Variants in HDAC9 observed in about 807,000 individuals in gnomAD.
The protein encoded by HDAC9 is histone deacetylase 9, also known as MEF-2 interacting transcription repressor (MITR) protein.
In HDAC9, 41 loss-of-function variants were observed where a neutral mutation model predicts 139.4. The observed-to-expected ratio is 0.29, with a 90% confidence interval of 0.23 to 0.38. The LOEUF (loss-of-function observed/expected upper bound fraction) is 0.38. Ranked by LOEUF, HDAC9 falls within the 10% of genes least tolerant of loss-of-function variation. The probability of loss-of-function intolerance (pLI) is 1.00; values close to 1 mark genes in which losing one functional copy is unlikely to be tolerated. For missense variants in HDAC9, 1,147 were observed against 1,297.0 expected (o/e 0.88, Z 1.78); for synonymous variants, 517 against 476.2 (o/e 1.09, Z -1.12).
intron 4 of HDAC9, among the ~76,000 whole-genome samples, 187 bp downstream of exon 4, chr7:18,590,673 C>T (rs1411026998): frequency 2.8e-4 from 42 of 152,150 alleles, no homozygotes; most frequent in Admixed American, 2.8e-3. Flanking sequence ...ATTGAGTCTG[C>T]AGAGCGTCTC....
chr7:18,371,003 C>G (rs1261354834), intron 1 of HDAC9, among the ~76,000 whole-genome samples: 1 of 152,162 alleles, frequency 6.6e-6, no homozygotes, highest in Non-Finnish European at 1.5e-5. Context: ...ATCCATTCAT[C>G]TCAATAGTCC....
intron 2 of HDAC9, among the ~76,000 whole-genome samples, chr7:18,276,092 C>G (rs1426128609): frequency 6.6e-6 from 1 of 152,092 alleles, no homozygotes; most frequent in East Asian, 1.9e-4. Context: ...AAAGAAAGCA[C>G]CTGGTTGAGA....
chr7:18,415,277 G>A (rs1788947533), intron 1 of HDAC9, among the ~76,000 whole-genome samples: 1 of 152,160 alleles, frequency 6.6e-6, no homozygotes, highest in South Asian at 2.1e-4. Flanking sequence ...AACCCATGGG[G>A]CTGATGTTAA....
intron 2 of HDAC9, among the ~76,000 whole-genome samples, chr7:18,277,735 C>G (rs1305941681): frequency 1.3e-5 from 2 of 152,070 alleles, no homozygotes; most frequent in African/African-American, 4.8e-5. Context: ...ATTTTCAGGT[C>G]CCATGGTCAA....
chr7:18,755,007 C>T (rs773674279), intron 14 of HDAC9, among the ~76,000 whole-genome samples: 7 of 152,176 alleles, frequency 4.6e-5, no homozygotes, highest in South Asian at 2.1e-4. Flanking sequence ...GATGGCAGCA[C>T]GTAACAGTGT....
rs1371068028 is a variant in HDAC9 at position 18,938,171 on chromosome 7, G to T, written c.2937+2229G>T. ...GCAATTAGTGACTTTAAAATTGATG[G>T]CATGAGCCGAGATCCCGCCACTGCA... is the stretch of plus-strand genomic sequence containing the variant. On this transcript the variant is annotated intron_variant, in intron 23 of 25. Coordinates refer to ENST00000686413, the MANE Select transcript of HDAC9 (RefSeq NM_178425.4). Among the ~76,000 whole-genome samples, 3 of 140,358 alleles carry T rather than the reference G, an allele frequency of 2.1e-5. No individual in the cohort carries two copies. In the East Asian group the frequency reaches 6.4e-4, roughly 30 times the overall value. The allele number at this position is 140,358 out of a possible 152,430, so 92.1% of individuals were successfully genotyped here.
chr7:18,911,148 CT>C lies in HDAC9; in HGVS notation c.2804-24647del, dbSNP rs751788140. 9.7e-3 allele frequency among the ~76,000 whole-genome samples: 1,249 copies of C among 129,160 alleles called. 7 individuals are homozygous for C. The highest frequency in any genetic ancestry group is 0.036 in the Middle Eastern group (9 of 248). The allele number at this position is 129,160 out of a possible 152,430, so 84.7% of individuals were successfully genotyped here. On this transcript the variant is annotated intron_variant, in intron 22 of 25. Transcript: ENST00000686413. ...GTTATTTGTTATTGGTCTGTTCAGG[CT>C]TTTTTTTTTTTTTCTGGTTTAATCA... is the stretch of plus-strand genomic sequence containing the variant.
chr7:18,792,330 C>A (rs1340644783), intron 16 of HDAC9, among the ~76,000 whole-genome samples: 1 of 147,712 alleles, frequency 6.8e-6, no homozygotes, highest in Admixed American at 6.8e-5. Context: ...TTTGGGAAGT[C>A]TTGCTATTTA....
At chr7:18,229,480 A>T (rs1793301449) in intron 2 of HDAC9, among the ~76,000 whole-genome samples, 1 of 152,182 alleles carries the variant, frequency 6.6e-6, no homozygotes, top group Admixed American at 6.5e-5. Context: ...GCCGTGCCTG[A>T]TGTGCCGAAA....
intron 11 of HDAC9, among the ~76,000 whole-genome samples, chr7:18,652,046 G>T (rs1423080401): frequency 6.6e-6 from 1 of 152,038 alleles, no homozygotes; most frequent in Admixed American, 6.6e-5. Flanking sequence ...TACAACATTT[G>T]ATCTTTTGTT....
chr7:18,980,507 T>C (rs1213115013), intron 25 of HDAC9, among the ~76,000 whole-genome samples: 1 of 152,146 alleles, frequency 6.6e-6, no homozygotes, highest in Non-Finnish European at 1.5e-5. Flanking sequence ...AGAGAAAAAT[T>C]TCATAGAGTT....
At chr7:18,173,808 G>A (rs1788655248) in intron 2 of HDAC9, among the ~76,000 whole-genome samples, 1 of 152,214 alleles carries the variant, frequency 6.6e-6, no homozygotes, top group Non-Finnish European at 1.5e-5. Context: ...TCTGTAGAGA[G>A]ATCAGCTGTT....
At chr7:18,927,447 A>G (rs931914942) in intron 22 of HDAC9, among the ~76,000 whole-genome samples, 6 of 152,160 alleles carry the variant, frequency 3.9e-5, no homozygotes, top group African/African-American at 1.2e-4. Context: ...AAAGAATAAC[A>G]TGGTAACTTA....
At chr7:18,984,154 C>G (rs1444877012) in intron 25 of HDAC9, among the ~76,000 whole-genome samples, 1 of 152,028 alleles carries the variant, frequency 6.6e-6, no homozygotes, top group Non-Finnish European at 1.5e-5. Flanking sequence ...CTGTAAGCTC[C>G]TTATGAATAG....
chr7:18,547,857 T>TTCCTCCCCTCCCTCCCTCCCTCCC (rs1563229989), intron 2 of HDAC9, among the ~76,000 whole-genome samples: 1 of 118,458 alleles, frequency 8.4e-6, no homozygotes, highest in Non-Finnish European at 1.7e-5. Context: ...CCTTCCTTCC[T>TTCCTCCCCTCCCTCCCTCCCTCCC]ACCCTCCCTC....
At chr7:18,655,892 C>A (rs181169601) in intron 11 of HDAC9, among the ~76,000 whole-genome samples, 24 of 152,164 alleles carry the variant, frequency 1.6e-4, no homozygotes, top group Non-Finnish European at 2.8e-4. Flanking sequence ...TGATTCCAGG[C>A]AGTTCAAAGG....
At chr7:18,336,685 A>G (rs1188678204) in intron 1 of HDAC9, among the ~76,000 whole-genome samples, 1 of 151,594 alleles carries the variant, frequency 6.6e-6, no homozygotes, top group Non-Finnish European at 1.5e-5. Flanking sequence ...TCATTATGCT[A>G]ATTTCATGTT....
intron 22 of HDAC9, among the ~76,000 whole-genome samples, chr7:18,909,985 T>G (rs1167763799): frequency 2.0e-5 from 3 of 151,952 alleles, no homozygotes; most frequent in Non-Finnish European, 4.4e-5. Context: ...TTTAGGATTT[T>G]TTTTATTTGT....
chr7:18,226,177 TTAAAC>T (rs1301851107), intron 2 of HDAC9, among the ~76,000 whole-genome samples: 3 of 152,206 alleles, frequency 2.0e-5, no homozygotes, highest in Non-Finnish European at 2.9e-5. Flanking sequence ...GAATTGTTCT[TTAAAC>T]TAACCCAAAA....
Sources: allele counts gnomAD v4.1 joint callset (sites outside exome capture counted in the v4.1 genomes callset), GRCh38; gene constraint gnomAD v4.1.1; transcripts MANE v1.5; gene names NCBI Gene and HGNC (gene_info 2026-07-23, HGNC 2026-07-21).